ESRRB: variants seen among roughly 807,000 people sequenced by gnomAD.
ESRRB encodes steroid hormone receptor ERR2.
A neutral mutation model predicts 46.0 loss-of-function variants in ESRRB; 16 were observed. The observed-to-expected ratio is 0.35, with a 90% CI of 0.24 to 0.53. The LOEUF (loss-of-function observed/expected upper bound fraction) is 0.53. ESRRB is among the 20% of genes least tolerant of loss of function. ESRRB has a pLI of 0.93. For missense variants in ESRRB, 488 were observed against 607.4 expected, an observed-to-expected ratio of 0.80 and a Z score of 2.07; for synonymous variants, 246 against 259.6, an observed-to-expected ratio of 0.95 and a Z score of 0.50.
chr14:76,381,725 G>A (rs1261142346), intron 1 of ESRRB, among the ~76,000 whole-genome samples: 1 of 152,160 alleles, frequency 6.6e-6, no homozygotes, highest in Non-Finnish European at 1.5e-5. Context: ...CCAGCTTTGG[G>A]GAGGTGACTG....
chr14:76,374,604 G>T (rs1182525739), upstream of ESRRB, among the ~76,000 whole-genome samples: 1 of 152,198 alleles, frequency 6.6e-6, no homozygotes, highest in Non-Finnish European at 1.5e-5. Context: ...CAGAAAGGAT[G>T]CCGAAAAACC....
At chr14:76,369,136 G>A (rs1312540323), upstream of ESRRB, among the ~76,000 whole-genome samples, 4 of 150,368 alleles carry the variant, frequency 2.7e-5, no homozygotes, top group East Asian at 8.0e-4. Context: ...GTCAGAGGTT[G>A]CAGTGAGCTG....
chr14:76,324,741 C>T (rs74069799), intron 1 of ESRRB, among the ~76,000 whole-genome samples: 3,327 of 152,212 alleles, frequency 0.022, 133 homozygotes, highest in African/African-American at 0.076. Flanking sequence ...CTGCCACATA[C>T]GTACGCTTGG....
At chr14:76,373,037 T>C (rs1384636454), upstream of ESRRB, among the ~76,000 whole-genome samples, 2 of 152,180 alleles carry the variant, frequency 1.3e-5, no homozygotes, top group African/African-American at 4.8e-5. Context: ...CTCCTAGCCA[T>C]AAGGTGCTGT....
At chr14:76,445,466 CAAAAA>C (rs747627410) in intron 2 of ESRRB, among the ~76,000 whole-genome samples, 2 of 79,772 alleles carry the variant, frequency 2.5e-5, no homozygotes, top group Admixed American at 1.6e-4. Flanking sequence ...AACTCCGTCT[CAAAAA>C]AAAAAAAAAA....
upstream of ESRRB, chr14:76,371,567 C>A (rs1884626033): frequency 6.6e-6 from 1 of 152,316 alleles, no homozygotes; most frequent in Admixed American, 6.5e-5. Context: ...CGGAGGCATC[C>A]TCCCCTTCCT....
intron 2 of ESRRB, among the ~76,000 whole-genome samples, chr14:76,440,424 C>A (rs1453961859): frequency 6.6e-6 from 1 of 152,102 alleles, no homozygotes; most frequent in Admixed American, 6.6e-5. Context: ...CAGAGCAAGA[C>A]CCTGTCTCAA....
chr14:76,498,804 A>G lies in ESRRB; in HGVS notation c.*346A>G, dbSNP rs780303524. 5.1e-6 allele frequency: 3 copies of G among 592,922 alleles called. No individual in the cohort carries two copies. The highest frequency in any genetic ancestry group is 9.9e-6 in the Non-Finnish European group (3 of 304,180). 36.7% of individuals were successfully genotyped at this position (592,922 alleles called of 1,614,324 possible). On this transcript the variant is annotated 3_prime_UTR_variant, in exon 7 of 7. Coordinates refer to ENST00000644823, the MANE Select transcript of ESRRB (RefSeq NM_001379180.1). ...CTCTCCCCTCCACCGAGCCACCAAG[A>G]GGCAGCATGTGCATTTCCTAACTCC...
intron 2 of ESRRB, among the ~76,000 whole-genome samples, chr14:76,450,695 G>A (rs1054133068): frequency 6.6e-6 from 1 of 152,194 alleles, no homozygotes; most frequent in East Asian, 1.9e-4. Context: ...GTCGCCTCCA[G>A]GTCTTTTGTC....
Position 76,469,929 on chromosome 14 carries a change from G to GTTTTTTTTTTTTTTTTTTTTTTTTTT in ESRRB, c.577+7282_577+7283insTTTTTTTTTTTTTTTTTTTTTTTTTT, listed in dbSNP as rs769935944. ...TAAAGACTAGGCTGTGTTTTTTGTT[G>GTTTTTTTTTTTTTTTTTTTTTTTTTT]TTTTTTTTTTTTTTCTTTTTTTTTT... On this transcript the variant is annotated intron_variant, in intron 3 of 6. Coordinates refer to ENST00000644823, the MANE Select transcript of ESRRB (RefSeq NM_001379180.1). 2.4e-4 allele frequency among the ~76,000 whole-genome samples: 19 copies of GTTTTTTTTTTTTTTTTTTTTTTTTTT among 78,724 alleles called. 1 individual carries two copies. The highest frequency in any genetic ancestry group is 4.3e-4 in the Admixed American group (3 of 6,900). 51.6% of individuals were successfully genotyped at this position (78,724 alleles called of 152,430 possible). A position where few individuals can be genotyped will look rare whatever the true frequency, so the allele number is the denominator to read the frequency against.
intron 1 of ESRRB, among the ~76,000 whole-genome samples, chr14:76,311,458 T>A (rs1253036134): frequency 3.3e-5 from 5 of 152,180 alleles, no homozygotes; most frequent in African/African-American, 4.8e-5. Context: ...ACAGTCCCGA[T>A]GACCAGTTTT....
At chr14:76,337,846 T>C (rs1884145836) in intron 1 of ESRRB, among the ~76,000 whole-genome samples, 2 of 152,328 alleles carry the variant, frequency 1.3e-5, no homozygotes, top group South Asian at 4.1e-4. Flanking sequence ...TAGGAGTCCC[T>C]GACACGGTGT....
chr14:76,467,893 C>A (rs563950621), intron 3 of ESRRB, among the ~76,000 whole-genome samples: 5 of 152,126 alleles, frequency 3.3e-5, no homozygotes, highest in Admixed American at 6.5e-5. Flanking sequence ...CTCACGCGAC[C>A]GGCCTCCCAA....
Position 76,434,992 on chromosome 14 carries a change from A to G in ESRRB, c.51-4349A>G, listed in dbSNP as rs546710060. On this transcript the variant is annotated intron_variant, in intron 1 of 6. Coordinates refer to ENST00000644823, the MANE Select transcript of ESRRB (RefSeq NM_001379180.1). ...AGCCTTTTCCTTCTCCGAGGACTCAAGTGAATGGGACAGGCTCTGAGCTCC... is the reference window on the plus strand; with the variant it reads ...AGCCTTTTCCTTCTCCGAGGACTCAGGTGAATGGGACAGGCTCTGAGCTCC... 1.6e-4 allele frequency among the ~76,000 whole-genome samples: 25 copies of G among 152,324 alleles called. No homozygotes were observed. The East Asian group carries it at 2.7e-3, about 16-fold the overall frequency.
chr14:76,432,796 C>T (rs945229529), intron 1 of ESRRB, among the ~76,000 whole-genome samples: 1 of 128,360 alleles, frequency 7.8e-6, no homozygotes, highest in Non-Finnish European at 1.6e-5. Context: ...CTGCTTCAGC[C>T]TCCCAGTAGC....
intron 3 of ESRRB, chr14:76,463,451 T>TTTGTTTGTTTGTTTG (rs1555342262): frequency 2.2e-5 from 3 of 135,386 alleles, no homozygotes; most frequent in Non-Finnish European, 4.7e-5. Context: ...CTTTGTTTTT[T>TTTGTTTGTTTGTTTG]TTTTTTTTTT....
chr14:76,329,956 A>T (rs951616754), intron 1 of ESRRB, among the ~76,000 whole-genome samples: 7 of 12,118 alleles, frequency 5.8e-4, no homozygotes, highest in Non-Finnish European at 9.9e-4. Context: ...GTCCTTGGGG[A>T]GGTGTGGGTG....
chr14:76,473,030 T>C (rs1364658814), intron 3 of ESRRB, among the ~76,000 whole-genome samples: 4 of 152,162 alleles, frequency 2.6e-5, no homozygotes, highest in African/African-American at 9.7e-5. Flanking sequence ...TTCAAAGGCT[T>C]CCTAGGGCAT....
intron 1 of ESRRB, among the ~76,000 whole-genome samples, chr14:76,335,803 G>A (rs1231392238): frequency 6.6e-6 from 1 of 152,162 alleles, no homozygotes; most frequent in Non-Finnish European, 1.5e-5. Context: ...GCAAGCTCTG[G>A]TTTCAGGTGT....
Sources: allele counts gnomAD v4.1 joint callset (sites outside exome capture counted in the v4.1 genomes callset), GRCh38; gene constraint gnomAD v4.1.1; transcripts MANE v1.5; gene names NCBI Gene and HGNC (gene_info 2026-07-23, HGNC 2026-07-21).